IQCH: variants seen among roughly 807,000 people sequenced by gnomAD.
IQCH encodes IQ motif containing H, also known as IQ domain-containing protein H.
Under a neutral mutation model 117.0 loss-of-function variants are expected in IQCH, and 98 were observed. The ratio of observed to expected loss-of-function variants is 0.84; its 90% CI spans 0.71 to 0.99. The LOEUF is 0.99. Among genes scored for constraint, IQCH ranks in the 50% least tolerant of loss-of-function variants. The pLI, the probability that IQCH is intolerant of heterozygous loss-of-function variation, is 0.00. For missense variants in IQCH, 1,102 were observed against 1,243.8 expected (o/e 0.89, Z 1.72); for synonymous variants, 412 against 448.2 (o/e 0.92, Z 1.02).
rs576172980 is a variant in IQCH at position 67,411,893 on chromosome 15, T to C, written c.2098-5038T>C. The stretch of plus-strand genomic sequence containing the variant: ...AAGAGAGAGCAAGAGGCAAGTTACA[T>C]ACTTGGTAGACAAGAATCTCTGGGG... On this transcript the variant is annotated intron_variant, in intron 14 of 20. Coordinates refer to ENST00000335894, the MANE Select transcript of IQCH (RefSeq NM_001031715.3). The surrounding 1 kb of genome is among the most constrained non-coding windows in gnomAD (Gnocchi z 4.4). Among the ~76,000 whole-genome samples the C allele has an allele frequency of 1.3e-5, 2 of 152,236 alleles. No individual in the cohort carries two copies. Among genetic ancestry groups the C allele is most frequent in the Admixed American group, 1.3e-4 (2 of 15,284 alleles).
Position 67,466,131 on chromosome 15 carries a change from C to A in IQCH, c.2676+834C>A, listed in dbSNP as rs1469040270. Among the ~76,000 whole-genome samples, 11 of 152,190 alleles carry A rather than the reference C, an allele frequency of 7.2e-5. No homozygotes were observed. The highest frequency in any genetic ancestry group is 1.6e-4 in the Non-Finnish European group (11 of 68,036). On this transcript the variant is annotated intron_variant, in intron 17 of 20. Transcript: ENST00000335894. The surrounding 1 kb of genome is among the most constrained non-coding windows in gnomAD (Gnocchi z 4.4). ...CCTCCTCCCTTCTTATTGCTAGCTC[C>A]ATCAGTGAGGGGGCTGGGGCCAGAG...
At chr15:67,349,483 G>A (rs1969553252) in intron 6 of IQCH, among the ~76,000 whole-genome samples, 1 of 151,934 alleles carries the variant, frequency 6.6e-6, no homozygotes, top group African/African-American at 2.4e-5. Flanking sequence ...GCCAGGCGTG[G>A]TGGTGGGTAC....
In IQCH at chr15:67,356,799, C is replaced by T; in HGVS notation, c.638-546C>T. On this transcript the variant is annotated intron_variant, in intron 6 of 20. Coordinates refer to ENST00000335894, the MANE Select transcript of IQCH (RefSeq NM_001031715.3). The surrounding 1 kb of genome is among the most constrained non-coding windows in gnomAD (Gnocchi z 5.3). The stretch of plus-strand genomic sequence containing the variant: ...TTATCTAGCATGTGGGCCCATTCTT[C>T]CTCGACCATGGGCTAGGTGTGTTCT... Among the ~76,000 whole-genome samples, 1 of 152,138 alleles carries T rather than the reference C, an allele frequency of 6.6e-6. No individual in the cohort carries two copies. Among genetic ancestry groups the T allele is most frequent in the East Asian group, 1.9e-4 (1 of 5,192 alleles).
intron 4 of IQCH, among the ~76,000 whole-genome samples, chr15:67,284,877 T>C (rs1966502466): frequency 6.6e-6 from 1 of 152,216 alleles, no homozygotes; most frequent in Non-Finnish European, 1.5e-5. Flanking sequence ...TTTGGGTTGA[T>C]TCCATGTCTT....
intron 16 of IQCH, among the ~76,000 whole-genome samples, chr15:67,437,352 A>AG (rs1478608794): frequency 6.6e-6 from 1 of 152,232 alleles, no homozygotes; most frequent in Non-Finnish European, 1.5e-5. Context: ...CCATAGGAAA[A>AG]GGGGGAGAGT....
chr15:67,388,770 C>A lies in IQCH; in HGVS notation c.1457-61C>A. 1 of 1,380,938 alleles carries A rather than the reference C, an allele frequency of 7.2e-7. No homozygotes were observed. The highest frequency in any genetic ancestry group is 1.0e-6 in the Non-Finnish European group (1 of 978,056). 85.5% of individuals were successfully genotyped at this position (1,380,938 alleles called of 1,614,324 possible). On this transcript the variant is annotated intron_variant, in intron 11 of 20. Transcript: ENST00000335894. The surrounding 1 kb of genome is among the most constrained non-coding windows in gnomAD (Gnocchi z 5.5). Reference sequence around the variant, plus strand: ...AAACTGCACAACACCAATCGGATGCCAGAGTTCATAATGTCATTTACCTTC... The same window carrying A: ...AAACTGCACAACACCAATCGGATGCAAGAGTTCATAATGTCATTTACCTTC...
chr15:67,313,755 G>A (rs1967713265), intron 4 of IQCH, among the ~76,000 whole-genome samples: 1 of 152,122 alleles, frequency 6.6e-6, no homozygotes, highest in Non-Finnish European at 1.5e-5. Context: ...GATCATAGAA[G>A]GCAGGGCTTA....
In IQCH at chr15:67,418,829, C is replaced by T. The variant is rs1239551120; in HGVS notation, c.2218+1778C>T. ...CTGACCTAAGGTGATCCGCCCGCCT[C>T]GGCCTCCCGAAGTGCTGGGATTACA... On this transcript the variant is annotated intron_variant, in intron 15 of 20. Coordinates refer to ENST00000335894, the MANE Select transcript of IQCH (RefSeq NM_001031715.3). 1.1e-4 allele frequency among the ~76,000 whole-genome samples: 17 copies of T among 151,826 alleles called. No homozygotes were observed. In the East Asian group the frequency reaches 3.1e-3, roughly 28 times the overall value.
chr15:67,470,168 T>G (rs1033407026), intron 17 of IQCH, among the ~76,000 whole-genome samples: 4 of 152,126 alleles, frequency 2.6e-5, no homozygotes, highest in East Asian at 1.9e-4. Context: ...CTTAGGGTTT[T>G]TTTGTTTGTT....
chr15:67,305,760 G>C (rs1383551938), intron 4 of IQCH, among the ~76,000 whole-genome samples: 1 of 152,070 alleles, frequency 6.6e-6, no homozygotes, highest in African/African-American at 2.4e-5. Flanking sequence ...ATTTAAAAAG[G>C]ATTATGCTTT....
At chr15:67,327,716 G>A (rs537166290) in intron 4 of IQCH, among the ~76,000 whole-genome samples, 6 of 152,278 alleles carry the variant, frequency 3.9e-5, no homozygotes, top group African/African-American at 9.6e-5. Flanking sequence ...GTGGTTGGTA[G>A]CAGCTGAAAT....
At chr15:67,331,865 T>G (rs1325263115) in intron 4 of IQCH, among the ~76,000 whole-genome samples, 1 of 152,216 alleles carries the variant, frequency 6.6e-6, no homozygotes, top group Non-Finnish European at 1.5e-5. Context: ...TGCCAAGCAC[T>G]CTGAGGACAT....
At chr15:67,328,221 A>G (rs1968500968) in intron 4 of IQCH, among the ~76,000 whole-genome samples, 1 of 152,056 alleles carries the variant, frequency 6.6e-6, no homozygotes, top group Non-Finnish European at 1.5e-5. Context: ...AGAGTCTTTT[A>G]TAAGCTGCTC....
chr15:67,449,850 C>A (rs1436598866), intron 16 of IQCH, among the ~76,000 whole-genome samples: 1 of 152,154 alleles, frequency 6.6e-6, no homozygotes, highest in African/African-American at 2.4e-5. Context: ...ATTCTTCCTA[C>A]CCATGAGCAT....
chr15:67,434,454 A>G (rs1046851660), intron 16 of IQCH, among the ~76,000 whole-genome samples: 18 of 152,336 alleles, frequency 1.2e-4, no homozygotes, highest in African/African-American at 2.9e-4. Context: ...GTGTATATAC[A>G]TGCATACATA....
chr15:67,293,282 G>A (rs1966813281), intron 4 of IQCH, among the ~76,000 whole-genome samples: 1 of 152,126 alleles, frequency 6.6e-6, no homozygotes, highest in African/African-American at 2.4e-5. Flanking sequence ...TCTAATTGAG[G>A]CTGAGTAGTC....
intron 8 of IQCH, among the ~76,000 whole-genome samples, chr15:67,367,090 T>G (rs916038801): frequency 6.6e-6 from 1 of 152,186 alleles, no homozygotes; most frequent in Non-Finnish European, 1.5e-5. Context: ...TAATGGAAAC[T>G]GAAACCCACA....
At chr15:67,271,003 C>G (rs1965875001) in intron 3 of IQCH, among the ~76,000 whole-genome samples, 1 of 152,186 alleles carries the variant, frequency 6.6e-6, no homozygotes, top group African/African-American at 2.4e-5. Flanking sequence ...AAGTCTCGCT[C>G]TGTTGCCCAG....
chr15:67,279,401 T>A lies in IQCH; in HGVS notation c.276T>A (p.Leu92=), dbSNP rs747364778. ...LYTPQASKWL[L]PTVIDQKSFI... ...TCCATTTCTTCTTACTTAGGTTACT[T>A]CCAACTGTAATTGATCAGAAATCAT... Residue 92 remains leucine (L), a synonymous_variant, in exon 4 of 21, where the codon CTT becomes CTA. Transcript: ENST00000335894. The A allele has an allele frequency of 6.4e-7, 1 of 1,571,930 alleles. No homozygotes were observed. The highest frequency in any genetic ancestry group is 2.3e-5 in the East Asian group (1 of 44,428).
Sources: allele counts gnomAD v4.1 joint callset (sites outside exome capture counted in the v4.1 genomes callset), GRCh38; gene constraint gnomAD v4.1.1; non-coding constraint Gnocchi (gnomAD v3.1); transcripts MANE v1.5; gene names NCBI Gene and HGNC (gene_info 2026-07-23, HGNC 2026-07-21).